CNST: variants seen among roughly 807,000 people sequenced by gnomAD.
CNST encodes the protein consortin, connexin sorting protein.
A neutral mutation model predicts 72.4 loss-of-function variants in CNST; 39 were observed. The observed-to-expected ratio is 0.54, with a 90% confidence interval of 0.42 to 0.70. CNST has a LOEUF of 0.70. Ranked by LOEUF, CNST falls within the 30% of genes least tolerant of loss-of-function variation. The probability of loss-of-function intolerance (pLI) is 0.00; values close to 1 mark genes in which losing one functional copy is unlikely to be tolerated. For synonymous variants in CNST, 332 were observed against 320.1 expected, an observed-to-expected ratio of 1.04 and a Z score of -0.40; for missense variants, 871 against 868.5, an observed-to-expected ratio of 1.00 and a Z score of -0.04.
chr1:246,648,018 A>C lies in CNST; in HGVS notation c.1817A>C (p.Lys606Thr). Residue 606 changes from lysine to threonine, a missense_variant, in exon 9 of 11, where the codon AAA (lysine) becomes ACA (threonine). Lys to Thr is a moderately conservative substitution (Grantham distance 78, BLOSUM62 -1). Coordinates refer to ENST00000366513, the MANE Select transcript of CNST (RefSeq NM_152609.3). The stretch of plus-strand genomic sequence containing the variant: ...TGTCTTTCTCTTGATGATCTTGCCA[A>C]AAGGATAGAGATTGCAGAGGTAAAT... The part of the protein sequence containing the change: ...ESCLSLDDLA[K>T]RIEIAEVVPT... 1 of 1,611,458 alleles carries C rather than the reference A, an allele frequency of 6.2e-7. No individual in the cohort carries two copies. Among genetic ancestry groups the C allele is most frequent in the African/African-American group, 1.3e-5 (1 of 74,824 alleles).
intron 8 of CNST, among the ~76,000 whole-genome samples, chr1:246,646,349 T>C (rs1456888151): frequency 6.6e-6 from 1 of 151,910 alleles, no homozygotes; most frequent in East Asian, 1.9e-4. Flanking sequence ...AAATTATAAA[T>C]TTGAAGAGAA....
chr1:246,586,576 G>A (rs1187819076), intron 1 of CNST, among the ~76,000 whole-genome samples: 1 of 151,560 alleles, frequency 6.6e-6, no homozygotes, highest in African/African-American at 2.4e-5. Context: ...TTAACGTGAT[G>A]TTGGTTCAGT....
intron 9 of CNST, among the ~76,000 whole-genome samples, chr1:246,651,282 C>G (rs1433612243): frequency 6.6e-6 from 1 of 152,182 alleles, no homozygotes; most frequent in Non-Finnish European, 1.5e-5. Context: ...CGCTGCTGTG[C>G]TATCGCAGGT....
Position 246,663,005 on chromosome 1 carries a change from T to C in CNST, c.1972+2671T>C, listed in dbSNP as rs113072686. On this transcript the variant is annotated intron_variant, in intron 10 of 10. Transcript: ENST00000366513. The stretch of plus-strand genomic sequence containing the variant: ...TATATGATAATGAAGAAAAATACTT[T>C]AGGTTGTTAACATAGATGAAGTGGG... 4.6e-3 allele frequency among the ~76,000 whole-genome samples: 707 copies of C among 152,250 alleles called. 4 individuals are homozygous for C. The highest frequency in any genetic ancestry group is 8.2e-3 in the Non-Finnish European group (555 of 68,002).
At chr1:246,589,092 A>G (rs1369686783) in intron 1 of CNST, among the ~76,000 whole-genome samples, 1 of 152,056 alleles carries the variant, frequency 6.6e-6, no homozygotes, top group Admixed American at 6.6e-5. Context: ...GAAACCCTGA[A>G]TCATTATTAT....
At position 246,574,185 on chromosome 1, in the gene CNST, G is replaced by A. The variant is rs1269574514; in HGVS notation, c.-52+7522G>A. On this transcript the variant is annotated intron_variant, in intron 1 of 10. Transcript: ENST00000366513. Reference sequence around the variant, plus strand: ...GCCTCCGGAGTGGCTGGGACTACAGGCACCCGCCACCGCGCCCGGCTAATT... The same window carrying A: ...GCCTCCGGAGTGGCTGGGACTACAGACACCCGCCACCGCGCCCGGCTAATT... Among the ~76,000 whole-genome samples the A allele has an allele frequency of 3.9e-5, 6 of 152,216 alleles. No individual in the cohort carries two copies. In the East Asian group the frequency reaches 9.7e-4, roughly 25 times the overall value.
At chr1:246,588,482 C>G (rs1661334143) in intron 1 of CNST, among the ~76,000 whole-genome samples, 1 of 151,972 alleles carries the variant, frequency 6.6e-6, no homozygotes, top group African/African-American at 2.4e-5. Context: ...CTTGTGTTAG[C>G]AAGGAAGAAT....
intron 8 of CNST, among the ~76,000 whole-genome samples, chr1:246,645,918 T>A (rs1019297891): frequency 2.6e-5 from 4 of 152,166 alleles, no homozygotes; most frequent in African/African-American, 9.7e-5. Context: ...GAAAGAGATG[T>A]CAGAATTCAA....
intron 1 of CNST, among the ~76,000 whole-genome samples, chr1:246,590,859 C>CTTTTTTTTT (rs373861233): frequency 7.4e-6 from 1 of 135,792 alleles, no homozygotes. Context: ...TAACCATGGC[C>CTTTTTTTTT]TTTTTTTTTT....
intron 3 of CNST, among the ~76,000 whole-genome samples, chr1:246,628,443 A>G (rs1664582555): frequency 6.6e-6 from 1 of 152,240 alleles, no homozygotes; most frequent in Non-Finnish European, 1.5e-5. Context: ...ATATAGAATA[A>G]TATGTGCTAA....
intron 8 of CNST, among the ~76,000 whole-genome samples, chr1:246,644,096 T>C (rs765303983): frequency 6.6e-6 from 1 of 152,184 alleles, no homozygotes; most frequent in Non-Finnish European, 1.5e-5. Flanking sequence ...CAGTCACTTA[T>C]AAGCTATTAA....
chr1:246,570,979 A>G (rs1660033870), intron 1 of CNST, among the ~76,000 whole-genome samples: 1 of 152,226 alleles, frequency 6.6e-6, no homozygotes, highest in Non-Finnish European at 1.5e-5. Context: ...CAAGATTCAC[A>G]TGAATACAGG....
chr1:246,652,899 G>A (rs1666556513), intron 9 of CNST, among the ~76,000 whole-genome samples: 1 of 151,420 alleles, frequency 6.6e-6, no homozygotes, highest in African/African-American at 2.4e-5. Flanking sequence ...AGCTACTCGG[G>A]AGGCTGAGGC....
chr1:246,650,438 AC>A (rs1285132754), intron 9 of CNST, among the ~76,000 whole-genome samples: 4 of 152,110 alleles, frequency 2.6e-5, no homozygotes, highest in African/African-American at 9.7e-5. Context: ...AATACTTACT[AC>A]CCTCGCTATT....
At chr1:246,571,677 T>TTTTTTTTA (rs1660081082) in intron 1 of CNST, among the ~76,000 whole-genome samples, 4 of 152,184 alleles carry the variant, frequency 2.6e-5, no homozygotes, top group Admixed American at 6.5e-5. Context: ...GTAAATTTTG[T>TTTTTTTTA]CATATTTATT....
chr1:246,604,089 G>A (rs997654978), intron 2 of CNST, among the ~76,000 whole-genome samples: 2 of 152,072 alleles, frequency 1.3e-5, no homozygotes, highest in South Asian at 4.1e-4. Context: ...AAAACTAGCC[G>A]GGGGTGGTGG....
intron 2 of CNST, among the ~76,000 whole-genome samples, chr1:246,597,657 G>A (rs1281401543): frequency 2.0e-5 from 3 of 152,198 alleles, no homozygotes; most frequent in Non-Finnish European, 4.4e-5. Context: ...CCTTCACAGT[G>A]TGGCCAGCTG....
At chr1:246,599,201 T>G (rs1475896235) in intron 2 of CNST, among the ~76,000 whole-genome samples, 2 of 150,040 alleles carry the variant, frequency 1.3e-5, no homozygotes, top group Non-Finnish European at 3.0e-5. Flanking sequence ...GCCCCAATAT[T>G]AAAAGTGTGT....
chr1:246,584,532 T>G (rs898160885), intron 1 of CNST, among the ~76,000 whole-genome samples: 1 of 152,152 alleles, frequency 6.6e-6, no homozygotes, highest in East Asian at 1.9e-4. Context: ...ATCAGTCTTA[T>G]TGATACTTTG....
Sources: gnomAD v4.1 joint callset for allele counts (sites outside exome capture counted in the v4.1 genomes callset) on GRCh38, gnomAD v4.1.1 for gene constraint, MANE v1.5 for transcripts, NCBI Gene and HGNC (gene_info 2026-07-23, HGNC 2026-07-21) for gene names.